EDIL3: variants seen among roughly 807,000 people sequenced by gnomAD.
EDIL3 encodes EGF like and discoidin domains 3, also known as EGF-like repeat and discoidin I-like domain-containing protein 3.
EDIL3 carries 37 observed loss-of-function variants against 67.4 expected under a neutral mutation model. The observed-to-expected ratio is 0.55, with a 90% CI of 0.42 to 0.72. The LOEUF is 0.72. EDIL3 is among the 30% of genes least tolerant of loss of function. The pLI is 0.00. For synonymous variants in EDIL3, 195 were observed against 196.3 expected (o/e 0.99, Z 0.05); for missense variants, 527 against 586.3 (o/e 0.90, Z 1.04).
intron 2 of EDIL3, among the ~76,000 whole-genome samples, chr5:84,245,084 T>C (rs1744880087): frequency 6.6e-6 from 1 of 152,230 alleles, no homozygotes; most frequent in Non-Finnish European, 1.5e-5. Context: ...TGCTTATTCC[T>C]TCTCTCATTG....
chr5:83,950,756 C>CA lies in EDIL3; in HGVS notation c.1294-7189dup, dbSNP rs1227924398. Among the ~76,000 whole-genome samples, 6 of 151,866 alleles carry CA rather than the reference C, an allele frequency of 4.0e-5. No homozygotes were observed. In the East Asian group the frequency reaches 7.8e-4, roughly 20 times the overall value. On this transcript the variant is annotated intron_variant, in intron 10 of 10. Coordinates refer to ENST00000296591, the MANE Select transcript of EDIL3 (RefSeq NM_005711.5). ...CTTGTCCTCTTGCATATTTCAGTAACAAAAAATCCAACTTCTTTATTCTCC... is the reference window on the plus strand; with the variant it reads ...CTTGTCCTCTTGCATATTTCAGTAACAAAAAAATCCAACTTCTTTATTCTCC...
At position 83,963,258 on chromosome 5, in the gene EDIL3, T is replaced by C. The variant is rs748221237; in HGVS notation, c.1240A>G (p.Asn414Asp). ...TATACAGTCCAGTGTTCTCCATCATTGCTGTAAGCCAGTTTGTAGGAGCCA... is the reference window on the plus strand; with the variant it reads ...TATACAGTCCAGTGTTCTCCATCATCGCTGTAAGCCAGTTTGTAGGAGCCA... ...FVGSYKLAYS[N>D]DGEHWTVYQD... The change falls in exon 10 of 11, where the codon AAT becomes GAT. Residue 414 changes from asparagine (N) to aspartate (D), a missense_variant. Physicochemically the swap from Asn to Asp is conservative, Grantham distance 23. This residue lies in a region of EDIL3 where 494 missense variants were observed against 522.5 expected (regional missense o/e 0.95). Coordinates refer to ENST00000296591, the MANE Select transcript of EDIL3 (RefSeq NM_005711.5). 1.5e-5 allele frequency: 24 copies of C among 1,610,454 alleles called. No individual in the cohort carries two copies. The South Asian group carries it at 2.5e-4, about 17-fold the overall frequency.
chr5:84,095,337 T>C (rs753500653), intron 6 of EDIL3, among the ~76,000 whole-genome samples: 40 of 152,206 alleles, frequency 2.6e-4, no homozygotes, highest in Non-Finnish European at 5.0e-4. Flanking sequence ...TTGGAACAGT[T>C]TGGAGGGCTC....
chr5:84,172,645 G>A (rs1748832786), intron 4 of EDIL3, among the ~76,000 whole-genome samples: 1 of 152,002 alleles, frequency 6.6e-6, no homozygotes, highest in Non-Finnish European at 1.5e-5. Flanking sequence ...AGGAAAGAAT[G>A]AGGTGAATTC....
At chr5:84,099,731 G>A (rs1050651108) in intron 6 of EDIL3, among the ~76,000 whole-genome samples, 1 of 152,010 alleles carries the variant, frequency 6.6e-6, no homozygotes, top group Non-Finnish European at 1.5e-5. Context: ...TTGACAAATG[G>A]GATCTAATTA....
intron 1 of EDIL3, among the ~76,000 whole-genome samples, chr5:84,272,268 A>G (rs1745490483): frequency 6.6e-6 from 1 of 151,946 alleles, no homozygotes; most frequent in Non-Finnish European, 1.5e-5. Flanking sequence ...TACCTAGGCA[A>G]ATTTTCCAAA....
intron 3 of EDIL3, among the ~76,000 whole-genome samples, chr5:84,187,402 A>C (rs1048626285): frequency 6.6e-6 from 1 of 152,088 alleles, no homozygotes; most frequent in Non-Finnish European, 1.5e-5. Flanking sequence ...TATAGTACAC[A>C]AGCAGATTAT....
At chr5:83,946,558 A>C (rs762020761) in intron 10 of EDIL3, among the ~76,000 whole-genome samples, 2 of 151,954 alleles carry the variant, frequency 1.3e-5, no homozygotes, top group Non-Finnish European at 2.9e-5. Context: ...CAGAGGATTC[A>C]AATCTCAGCA....
intron 6 of EDIL3, among the ~76,000 whole-genome samples, chr5:84,067,105 C>T (rs1746656245): frequency 6.6e-6 from 1 of 152,042 alleles, no homozygotes; most frequent in African/African-American, 2.4e-5. Context: ...AAATGATGTC[C>T]AAACCAAAAA....
intron 1 of EDIL3, among the ~76,000 whole-genome samples, chr5:84,299,238 T>A (rs74631600): frequency 0.012 from 1,754 of 152,170 alleles, 27 homozygotes; most frequent in African/African-American, 0.04. Context: ...ACACATTTTT[T>A]AAAAAAATGA....
chr5:84,353,974 C>A (rs1217094443), intron 1 of EDIL3, among the ~76,000 whole-genome samples: 1 of 152,180 alleles, frequency 6.6e-6, no homozygotes, highest in African/African-American at 2.4e-5. Flanking sequence ...CCTCTCTTCA[C>A]TAGTTACCAT....
chr5:84,359,736 G>A (rs1747560038), intron 1 of EDIL3, among the ~76,000 whole-genome samples: 1 of 152,148 alleles, frequency 6.6e-6, no homozygotes, highest in Admixed American at 6.5e-5. Flanking sequence ...ACCAAAATCT[G>A]AAAAGTAGAA....
chr5:84,044,447 G>C (rs2112217418), intron 9 of EDIL3, among the ~76,000 whole-genome samples: 2 of 152,230 alleles, frequency 1.3e-5, no homozygotes, highest in Middle Eastern at 6.8e-3. Flanking sequence ...ATACATCTTG[G>C]AAAATGCTGA....
intron 9 of EDIL3, among the ~76,000 whole-genome samples, chr5:84,010,101 A>G (rs1317329363): frequency 1.3e-5 from 2 of 152,178 alleles, no homozygotes; most frequent in Non-Finnish European, 2.9e-5. Flanking sequence ...TGCCTACAAC[A>G]GTAAAGTACC....
intron 4 of EDIL3, among the ~76,000 whole-genome samples, chr5:84,176,556 G>A (rs1483315777): frequency 6.6e-6 from 1 of 151,276 alleles, no homozygotes; most frequent in East Asian, 1.9e-4. Context: ...TGGGAGTGAA[G>A]AAATAACCTT....
chr5:83,964,606 C>A (rs1322608094), intron 9 of EDIL3, among the ~76,000 whole-genome samples: 1 of 151,952 alleles, frequency 6.6e-6, no homozygotes, highest in Non-Finnish European at 1.5e-5. Flanking sequence ...TATTTAGTGA[C>A]ACAGATGCCC....
intron 7 of EDIL3, among the ~76,000 whole-genome samples, chr5:84,066,205 C>T (rs1023742948): frequency 3.3e-5 from 5 of 151,656 alleles, no homozygotes; most frequent in Admixed American, 2.0e-4. Context: ...AAGACTGTGT[C>T]CACCTGTGTC....
chr5:84,093,097 G>T (rs2112269663), intron 6 of EDIL3, among the ~76,000 whole-genome samples: 1 of 152,204 alleles, frequency 6.6e-6, no homozygotes, highest in Middle Eastern at 3.5e-3. Flanking sequence ...ATCTATAACA[G>T]CCGAACATAG....
intron 1 of EDIL3, among the ~76,000 whole-genome samples, chr5:84,295,682 T>C (rs1255348026): frequency 1.3e-5 from 2 of 152,110 alleles, no homozygotes; most frequent in Non-Finnish European, 2.9e-5. Flanking sequence ...CTACAAGATT[T>C]TCCTAAACAA....
Sources: gnomAD v4.1 joint callset for allele counts (sites outside exome capture counted in the v4.1 genomes callset) on GRCh38, gnomAD v4.1.1 for gene constraint, gnomAD v4.1.1 regional missense constraint, MANE v1.5 for transcripts, NCBI Gene and HGNC (gene_info 2026-07-23, HGNC 2026-07-21) for gene names.